The following TCF7L2 variants were observed in gnomAD, a reference collection of about 807,000 sequenced individuals.
The protein encoded by TCF7L2 is transcription factor 7-like 2.
Under a neutral mutation model 77.9 loss-of-function variants are expected in TCF7L2, and 23 were observed. That is an observed-to-expected ratio of 0.30 (90% CI 0.21 to 0.42). The LOEUF (loss-of-function observed/expected upper bound fraction) is 0.42, where lower values mean the gene tolerates loss of function less well. TCF7L2 is among the 10% of genes least tolerant of loss of function. The probability of loss-of-function intolerance (pLI) is 1.00; values close to 1 mark genes in which losing one functional copy is unlikely to be tolerated. For synonymous variants in TCF7L2, 413 were observed against 340.2 expected (o/e 1.21, Z -2.36); for missense variants, 654 against 793.1 (o/e 0.82, Z 2.11).
At chr10:113,160,711 C>A (rs770752964) in intron 13 of TCF7L2, 1 of 1,574,560 alleles carries the variant, frequency 6.4e-7, no homozygotes, top group Non-Finnish European at 8.6e-7. Flanking sequence ...CACTGCGAGG[C>A]CTTTGGGAAA....
intron 5 of TCF7L2, among the ~76,000 whole-genome samples, chr10:113,100,234 A>G (rs2061487142): frequency 6.6e-6 from 1 of 152,228 alleles, no homozygotes; most frequent in Non-Finnish European, 1.5e-5. Flanking sequence ...CTAGCAGAAG[A>G]AGAACGAAGT....
chr10:113,028,002 T>A (rs2049510807), intron 4 of TCF7L2, among the ~76,000 whole-genome samples: 1 of 152,218 alleles, frequency 6.6e-6, no homozygotes, highest in East Asian at 1.9e-4. Flanking sequence ...GAGGCTTCTC[T>A]GGACAGAAAG....
chr10:113,024,783 C>A (rs1418453043), intron 4 of TCF7L2, among the ~76,000 whole-genome samples: 2 of 151,754 alleles, frequency 1.3e-5, no homozygotes, highest in Admixed American at 6.6e-5. Context: ...CCACGCACAG[C>A]TAATTTTTGT....
intron 5 of TCF7L2, among the ~76,000 whole-genome samples, chr10:113,082,062 T>C (rs1262036349): frequency 6.6e-6 from 1 of 151,942 alleles, no homozygotes; most frequent in East Asian, 1.9e-4. Context: ...GGTCTCGAAC[T>C]CTTGACCTCA....
chr10:113,152,719 G>T (rs1188165088), intron 11 of TCF7L2, among the ~76,000 whole-genome samples: 1 of 152,136 alleles, frequency 6.6e-6, no homozygotes, highest in Non-Finnish European at 1.5e-5. Flanking sequence ...TTTGGTGCTT[G>T]TCTCCTTTCT....
At chr10:113,072,848 G>GA (rs1455724912) in intron 5 of TCF7L2, among the ~76,000 whole-genome samples, 6 of 152,150 alleles carry the variant, frequency 3.9e-5, no homozygotes, top group African/African-American at 1.4e-4. Context: ...GGGAAGAAAT[G>GA]AAAAAAGAAG....
Position 113,165,700 on chromosome 10 carries a change from C to T in TCF7L2, c.1537C>T (p.Gln513Ter), listed in dbSNP as rs2137650492. 5.6e-6 allele frequency: 9 copies of T among 1,612,250 alleles called. No homozygotes were observed. The highest frequency in any genetic ancestry group is 7.6e-6 in the Non-Finnish European group (9 of 1,179,340). Residue 513 changes from glutamine to a stop codon, truncating the protein, a stop_gained, in exon 14 of 14, where the codon CAG becomes TAG. Transcript: ENST00000627217. LOFTEE classifies it high-confidence loss of function. ...CCGAGACGCCAAGTCACAGACTGAG[C>T]AGACCCAGCCTCTGTCGCTGTCCCT...
intron 5 of TCF7L2, among the ~76,000 whole-genome samples, chr10:113,070,973 T>C (rs2057932501): frequency 6.6e-6 from 1 of 152,134 alleles, no homozygotes; most frequent in Non-Finnish European, 1.5e-5. Context: ...AGGCAACAAC[T>C]AATATATTTT....
chr10:113,069,064 G>A (rs1243824531), intron 5 of TCF7L2, among the ~76,000 whole-genome samples: 1 of 151,966 alleles, frequency 6.6e-6, no homozygotes, highest in Non-Finnish European at 1.5e-5. Flanking sequence ...CTCTGGCCCA[G>A]TTAGCAGGGA....
chr10:112,976,562 G>A lies in TCF7L2; in HGVS notation c.450+11938G>A, dbSNP rs114631488. Among the ~76,000 whole-genome samples, 446 of 152,274 alleles carry A rather than the reference G, an allele frequency of 2.9e-3. 5 individuals are homozygous for A. The highest frequency in any genetic ancestry group is 0.01 in the African/African-American group (422 of 41,558). On this transcript the variant is annotated intron_variant, in intron 4 of 13. Transcript: ENST00000627217. ...CCATGCACTAATTTCCTGGGACATCGTAGGTGTACAACTAGGGGTGTGAAT... is the reference window on the plus strand; with the variant it reads ...CCATGCACTAATTTCCTGGGACATCATAGGTGTACAACTAGGGGTGTGAAT...
At chr10:112,973,961 A>G (rs926468187) in intron 4 of TCF7L2, among the ~76,000 whole-genome samples, 5 of 152,146 alleles carry the variant, frequency 3.3e-5, no homozygotes, top group African/African-American at 1.2e-4. Context: ...TTAATAGGCA[A>G]GGAAACAGGT....
At chr10:112,969,682 C>G (rs548856844) in intron 4 of TCF7L2, among the ~76,000 whole-genome samples, 12 of 152,208 alleles carry the variant, frequency 7.9e-5, no homozygotes, top group Non-Finnish European at 1.5e-4. Context: ...GGCCAATTGC[C>G]CAAGCTCCGG....
chr10:113,067,692 G>A (rs543476372), intron 5 of TCF7L2, among the ~76,000 whole-genome samples: 6 of 152,266 alleles, frequency 3.9e-5, no homozygotes, highest in East Asian at 1.9e-4. Flanking sequence ...CAGACAGCCC[G>A]AGTCCTTAGC....
Position 113,166,038 on chromosome 10 carries a change from A to G in TCF7L2, c.*66A>G. Reference sequence around the variant, plus strand: ...TTTCACTTTTCTTAATTTGCCCCCCACCCCCACCTTGAAAGGTTTTGTTTT... The same window carrying G: ...TTTCACTTTTCTTAATTTGCCCCCCGCCCCCACCTTGAAAGGTTTTGTTTT... On this transcript the variant is annotated 3_prime_UTR_variant, in exon 14 of 14. Coordinates refer to ENST00000627217, the MANE Select transcript of TCF7L2 (RefSeq NM_001146274.2). 2 of 1,312,790 alleles carry G rather than the reference A, an allele frequency of 1.5e-6. No homozygotes were observed. Among genetic ancestry groups the G allele is most frequent in the Non-Finnish European group, 9.8e-7 (1 of 1,024,618 alleles). The allele number at this position is 1,312,790 out of a possible 1,614,324, so 81.3% of individuals were successfully genotyped here.
intron 4 of TCF7L2, among the ~76,000 whole-genome samples, chr10:113,007,103 T>A (rs559047685): frequency 6.6e-6 from 1 of 152,374 alleles, no homozygotes; most frequent in East Asian, 1.9e-4. Context: ...TAACAAATGC[T>A]TTCTTCCTAG....
intron 7 of TCF7L2, among the ~76,000 whole-genome samples, chr10:113,145,716 G>A (rs757722324): frequency 2.6e-5 from 4 of 152,156 alleles, no homozygotes; most frequent in African/African-American, 7.2e-5. Context: ...TAAAGCAAGC[G>A]AGACTTCGCC....
At chr10:113,054,247 A>T (rs144237301) in intron 5 of TCF7L2, among the ~76,000 whole-genome samples, 1 of 152,386 alleles carries the variant, frequency 6.6e-6, no homozygotes, top group East Asian at 1.9e-4. Flanking sequence ...GTGTGTCTGC[A>T]AACTTGTGGG....
chr10:113,094,872 A>G (rs1466074377), intron 5 of TCF7L2, among the ~76,000 whole-genome samples: 1 of 152,190 alleles, frequency 6.6e-6, no homozygotes, highest in Non-Finnish European at 1.5e-5. Flanking sequence ...AAATCCCAAC[A>G]CTTTGAGAGG....
At chr10:112,993,385 A>G (rs1357762126) in intron 4 of TCF7L2, among the ~76,000 whole-genome samples, 1 of 152,042 alleles carries the variant, frequency 6.6e-6, no homozygotes, top group Non-Finnish European at 1.5e-5. Flanking sequence ...GGGCACCTGT[A>G]GTCCCACCTA....
Sources: gnomAD v4.1 joint callset for allele counts (sites outside exome capture counted in the v4.1 genomes callset) on GRCh38, gnomAD v4.1.1 for gene constraint, MANE v1.5 for transcripts, NCBI Gene and HGNC (gene_info 2026-07-23, HGNC 2026-07-21) for gene names.